KCTD8: variants seen among roughly 807,000 people sequenced by gnomAD.
KCTD8 encodes potassium channel tetramerization domain containing 8, also known as BTB/POZ domain-containing protein KCTD8.
Under a neutral mutation model 31.5 loss-of-function variants are expected in KCTD8, and 27 were observed. The ratio of observed to expected loss-of-function variants is 0.86; its 90% CI spans 0.63 to 1.18. KCTD8 has a LOEUF of 1.18. Among genes scored for constraint, KCTD8 ranks in the 50% most tolerant of loss-of-function variants. The probability of loss-of-function intolerance (pLI) is 0.00; values close to 1 mark genes in which losing one functional copy is unlikely to be tolerated. For synonymous variants in KCTD8, 290 were observed against 280.0 expected (o/e 1.04, Z -0.36); for missense variants, 658 against 647.7 (o/e 1.02, Z -0.17).
chr4:44,298,845 T>C (rs1717522362), intron 1 of KCTD8, among the ~76,000 whole-genome samples: 1 of 152,090 alleles, frequency 6.6e-6, no homozygotes, highest in African/African-American at 2.4e-5. Context: ...AAAATATTGA[T>C]TGAAAGATAG....
intron 1 of KCTD8, among the ~76,000 whole-genome samples, chr4:44,186,218 A>G (rs1378730324): frequency 6.6e-6 from 1 of 152,202 alleles, no homozygotes; most frequent in Non-Finnish European, 1.5e-5. Context: ...GGCAGACGCC[A>G]GCAGGCCATC....
chr4:44,240,728 A>C (rs535353938), intron 1 of KCTD8, among the ~76,000 whole-genome samples: 1 of 152,334 alleles, frequency 6.6e-6, no homozygotes, highest in African/African-American at 2.4e-5. Flanking sequence ...GTACAGGGCC[A>C]GACCCATCCT....
At chr4:44,193,373 G>A (rs553125825) in intron 1 of KCTD8, among the ~76,000 whole-genome samples, 8 of 152,128 alleles carry the variant, frequency 5.3e-5, no homozygotes, top group Non-Finnish European at 1.2e-4. Flanking sequence ...AGAGGCAGAT[G>A]TAGATCTGTC....
At position 44,319,475 on chromosome 4, in the gene KCTD8, A is replaced by T. The variant is rs930771561; in HGVS notation, c.961+128088T>A. On this transcript the variant is annotated intron_variant, in intron 1 of 1. Coordinates refer to ENST00000360029, the MANE Select transcript of KCTD8 (RefSeq NM_198353.3). ...TACCCCTGTGGTAAAAAAAAAAAAA[A>T]TGCAACACAGGGCAAAAATACGGAG... Among the ~76,000 whole-genome samples the T allele has an allele frequency of 1.3e-3, 196 of 151,800 alleles. 3 individuals are homozygous for T. The highest frequency in any genetic ancestry group is 8.1e-4 in the Non-Finnish European group (55 of 67,940).
At chr4:44,329,528 G>A (rs1490002692) in intron 1 of KCTD8, among the ~76,000 whole-genome samples, 1 of 151,776 alleles carries the variant, frequency 6.6e-6, no homozygotes, top group Non-Finnish European at 1.5e-5. Context: ...ATAAAGTTTT[G>A]TATATATAAG....
chr4:44,409,298 T>C (rs1339155130), intron 1 of KCTD8, among the ~76,000 whole-genome samples: 1 of 151,868 alleles, frequency 6.6e-6, no homozygotes, highest in Non-Finnish European at 1.5e-5. Flanking sequence ...ATTTTTTATA[T>C]ATCCAGGGAA....
chr4:44,190,797 G>A (rs573631887), intron 1 of KCTD8, among the ~76,000 whole-genome samples: 2 of 152,310 alleles, frequency 1.3e-5, no homozygotes, highest in South Asian at 2.1e-4. Context: ...GTATTTGGAT[G>A]TCTGGTTCAG....
intron 1 of KCTD8, among the ~76,000 whole-genome samples, chr4:44,282,105 G>A (rs747172662): frequency 1.3e-5 from 2 of 152,094 alleles, no homozygotes; most frequent in South Asian, 4.2e-4. Flanking sequence ...GTCTTACTGT[G>A]CTTTACTTTA....
intron 1 of KCTD8, among the ~76,000 whole-genome samples, chr4:44,443,989 G>C (rs1721873715): frequency 6.6e-6 from 1 of 152,066 alleles, no homozygotes; most frequent in African/African-American, 2.4e-5. Context: ...TCCATCTTCA[G>C]TATTAGAAGA....
chr4:44,382,260 A>T (rs1720083718), intron 1 of KCTD8, among the ~76,000 whole-genome samples: 1 of 152,104 alleles, frequency 6.6e-6, no homozygotes. Context: ...CCATATGATC[A>T]TCTCAATAGA....
At chr4:44,417,165 A>G (rs1721095965) in intron 1 of KCTD8, among the ~76,000 whole-genome samples, 1 of 152,208 alleles carries the variant, frequency 6.6e-6, no homozygotes, top group Non-Finnish European at 1.5e-5. Flanking sequence ...TAATACAGCA[A>G]TCTTATTGGG....
At chr4:44,344,387 T>C (rs1256303811) in intron 1 of KCTD8, among the ~76,000 whole-genome samples, 1 of 152,084 alleles carries the variant, frequency 6.6e-6, no homozygotes, top group Non-Finnish European at 1.5e-5. Flanking sequence ...GGTCTCCCTG[T>C]GTTGCCCAGC....
In KCTD8 at chr4:44,360,402, T is replaced by C. The variant is rs1435292527; in HGVS notation, c.961+87161A>G. On this transcript the variant is annotated intron_variant, in intron 1 of 1. Coordinates refer to ENST00000360029, the MANE Select transcript of KCTD8 (RefSeq NM_198353.3). ...TCCAGGGTAAATAATACAGTCATCT[T>C]TCATGGATATTTTCATAAAATTGCT... 2.6e-5 allele frequency among the ~76,000 whole-genome samples: 4 copies of C among 152,070 alleles called. No homozygotes were observed. The South Asian group carries it at 8.3e-4, about 31-fold the overall frequency.
intron 1 of KCTD8, among the ~76,000 whole-genome samples, chr4:44,426,150 T>C (rs1246226536): frequency 6.6e-6 from 1 of 151,100 alleles, no homozygotes; most frequent in Non-Finnish European, 1.5e-5. Flanking sequence ...TAAGGTACCA[T>C]GTAAAAGGAA....
intron 1 of KCTD8, among the ~76,000 whole-genome samples, chr4:44,360,749 C>A (rs908065470): frequency 1.3e-5 from 2 of 151,912 alleles, no homozygotes; most frequent in African/African-American, 4.8e-5. Flanking sequence ...TATACCAAAT[C>A]AATATAAATG....
chr4:44,298,503 A>G (rs908592320), intron 1 of KCTD8, among the ~76,000 whole-genome samples: 22 of 152,102 alleles, frequency 1.4e-4, no homozygotes, highest in African/African-American at 4.3e-4. Context: ...AGTTTCCTAC[A>G]TTTTTAGTTG....
chr4:44,304,796 T>A (rs2109394816), intron 1 of KCTD8, among the ~76,000 whole-genome samples: 1 of 152,246 alleles, frequency 6.6e-6, no homozygotes, highest in Middle Eastern at 3.4e-3. Context: ...GGAACTGTTC[T>A]ATATCTTGAT....
chr4:44,347,072 T>A (rs1360000799), intron 1 of KCTD8, among the ~76,000 whole-genome samples: 1 of 152,120 alleles, frequency 6.6e-6, no homozygotes, highest in South Asian at 2.1e-4. Flanking sequence ...ATGTTATGGT[T>A]GGGGGTGTAA....
chr4:44,179,778 T>C (rs1713325866), intron 1 of KCTD8, among the ~76,000 whole-genome samples: 1 of 152,050 alleles, frequency 6.6e-6, no homozygotes, highest in Non-Finnish European at 1.5e-5. Flanking sequence ...CATTTAAGCA[T>C]ACTTTAAATT....
Sources: gnomAD v4.1 joint callset for allele counts (sites outside exome capture counted in the v4.1 genomes callset) on GRCh38, gnomAD v4.1.1 for gene constraint, MANE v1.5 for transcripts, NCBI Gene and HGNC (gene_info 2026-07-23, HGNC 2026-07-21) for gene names.